The following GALNTL5 variants were observed in gnomAD, a reference collection of about 807,000 sequenced individuals.
GALNTL5 encodes inactive polypeptide N-acetylgalactosaminyltransferase-like protein 5.
Under a neutral mutation model 51.0 loss-of-function variants are expected in GALNTL5, and 44 were observed. The observed-to-expected ratio is 0.86, with a 90% CI of 0.68 to 1.11. The LOEUF is 1.11. GALNTL5 is among the 50% of genes least tolerant of loss of function. The probability of loss-of-function intolerance (pLI) is 0.00; values close to 1 mark genes in which losing one functional copy is unlikely to be tolerated. For missense variants in GALNTL5, 528 were observed against 531.8 expected (o/e 0.99, Z 0.07); for synonymous variants, 192 against 182.8 (o/e 1.05, Z -0.41).
chr7:151,972,602 C>T (rs2081158824), intron 3 of GALNTL5, among the ~76,000 whole-genome samples: 1 of 152,162 alleles, frequency 6.6e-6, no homozygotes. Flanking sequence ...AGCGTTGGGA[C>T]AAGGTGCCCT....
chr7:151,972,890 A>T (rs918043235), intron 3 of GALNTL5, among the ~76,000 whole-genome samples: 9 of 152,160 alleles, frequency 5.9e-5, no homozygotes, highest in South Asian at 4.1e-4. Flanking sequence ...GGGGATAGAG[A>T]CACCAAACCT....
intron 3 of GALNTL5, among the ~76,000 whole-genome samples, chr7:151,975,138 G>C (rs10268412): frequency 0.38 from 58,310 of 151,894 alleles, 11,868 homozygotes; most frequent in Middle Eastern, 0.5. Flanking sequence ...TTTTTTGGAA[G>C]AGTTTGAAAA....
At chr7:151,991,384 C>A (rs2151951377) in intron 5 of GALNTL5, among the ~76,000 whole-genome samples, 1 of 152,294 alleles carries the variant, frequency 6.6e-6, no homozygotes, top group Middle Eastern at 3.4e-3. Context: ...AGCCACTGCG[C>A]ACGGCCTGAT....
At chr7:152,019,027 A>G (rs1333152790) in intron 8 of GALNTL5, among the ~76,000 whole-genome samples, 7 of 152,204 alleles carry the variant, frequency 4.6e-5, no homozygotes, top group Non-Finnish European at 1.0e-4. Context: ...GGGCTTCCTT[A>G]AGTCAGAGCA....
intron 1 of GALNTL5, among the ~76,000 whole-genome samples, 169 bp from the exon 2 acceptor site, chr7:151,967,039 T>C (rs753496321): frequency 6.6e-6 from 1 of 152,180 alleles, no homozygotes; most frequent in Non-Finnish European, 1.5e-5. Context: ...CTTAGGAATA[T>C]CAGTTTTAGG....
At chr7:151,977,391 T>C (rs2151943774) in intron 3 of GALNTL5, among the ~76,000 whole-genome samples, 1 of 152,306 alleles carries the variant, frequency 6.6e-6, no homozygotes, top group South Asian at 2.1e-4. Flanking sequence ...GTTTTGTTTA[T>C]AGCTGGGTAC....
chr7:152,014,772 C>A lies in GALNTL5; in HGVS notation c.1155C>A (p.His385Gln). 1 of 1,610,520 alleles carries A rather than the reference C, an allele frequency of 6.2e-7. No homozygotes were observed. The highest frequency in any genetic ancestry group is 8.5e-7 in the Non-Finnish European group (1 of 1,178,972). Residue 385 changes from histidine (H) to glutamine (Q), a missense_variant, in exon 8 of 9, where the codon CAC (histidine) becomes CAA (glutamine). Coordinates refer to ENST00000392800, the MANE Select transcript of GALNTL5 (RefSeq NM_145292.4). ...AMTHNYLRLV[H>Q]VWLDEYKEQF... ...CACATAACTACCTAAGACTGGTGCA[C>A]GTTTGGCTGGATGAATATAAGGTGG... is the stretch of plus-strand genomic sequence containing the variant.
intron 5 of GALNTL5, among the ~76,000 whole-genome samples, chr7:152,000,829 T>C (rs1162664310): frequency 6.6e-6 from 1 of 152,194 alleles, no homozygotes; most frequent in Non-Finnish European, 1.5e-5. Context: ...AGTATATGTA[T>C]GATTTGGAAA....
chr7:151,997,228 A>T (rs768363732), intron 5 of GALNTL5, among the ~76,000 whole-genome samples: 57 of 152,326 alleles, frequency 3.7e-4, no homozygotes, highest in Non-Finnish European at 6.5e-4. Context: ...GCTTGACCTC[A>T]CGCCCTTTAC....
intron 3 of GALNTL5, among the ~76,000 whole-genome samples, chr7:151,978,364 C>T (rs1444828914): frequency 1.3e-5 from 2 of 152,116 alleles, no homozygotes; most frequent in African/African-American, 4.8e-5. Flanking sequence ...TTCTAATGTG[C>T]TTAAAAGATT....
intron 6 of GALNTL5, among the ~76,000 whole-genome samples, chr7:152,004,953 C>T (rs570207926): frequency 2.9e-4 from 44 of 152,196 alleles, no homozygotes; most frequent in African/African-American, 8.9e-4. Flanking sequence ...GATTTCTTTC[C>T]CTTTAGGAAG....
At chr7:152,012,889 C>T (rs2081757120) in intron 7 of GALNTL5, among the ~76,000 whole-genome samples, 1 of 152,016 alleles carries the variant, frequency 6.6e-6, no homozygotes, top group Admixed American at 6.6e-5. Flanking sequence ...ATCGCTTGAA[C>T]CTGGATGGCG....
At chr7:151,959,976 T>G (rs902714184) in intron 1 of GALNTL5, among the ~76,000 whole-genome samples, 3 of 152,104 alleles carry the variant, frequency 2.0e-5, no homozygotes, top group Non-Finnish European at 4.4e-5. Context: ...CTTCCCTGGA[T>G]AGAAGACCAG....
intron 1 of GALNTL5, among the ~76,000 whole-genome samples, chr7:151,963,586 T>TG (rs1398370533): frequency 5.3e-5 from 8 of 151,990 alleles, no homozygotes; most frequent in African/African-American, 1.9e-4. Context: ...TTAGTAGAGA[T>TG]GGGGTCTCAC....
intron 6 of GALNTL5, among the ~76,000 whole-genome samples, chr7:152,005,889 T>C (rs780645596): frequency 6.6e-6 from 1 of 152,156 alleles, no homozygotes; most frequent in Non-Finnish European, 1.5e-5. Context: ...CTGAACACAA[T>C]CCTATATGGA....
chr7:151,982,948 T>C (rs1198387363), intron 3 of GALNTL5, 38 bp from the exon 4 acceptor site: 1 of 1,613,540 alleles, frequency 6.2e-7, no homozygotes, highest in African/African-American at 1.3e-5. Context: ...CCAAGGCATT[T>C]AGATGGATGG....
intron 7 of GALNTL5, among the ~76,000 whole-genome samples, chr7:152,011,625 GT>G (rs1207699603): frequency 1.3e-5 from 2 of 152,188 alleles, no homozygotes; most frequent in African/African-American, 4.8e-5. Flanking sequence ...TCCACCCAAG[GT>G]TGCTAAATCT....
At chr7:151,956,833 T>C (rs1037069089) in intron 1 of GALNTL5, among the ~76,000 whole-genome samples, 1 of 152,134 alleles carries the variant, frequency 6.6e-6, no homozygotes, top group African/African-American at 2.4e-5. Context: ...ATGGCTTTAG[T>C]TCATGAAAAA....
In GALNTL5 at chr7:151,983,047, A is replaced by G; in HGVS notation, c.430A>G (p.Asn144Asp). Residue 144 changes from asparagine to aspartate, a missense_variant, in exon 4 of 9, where the codon AAT (asparagine) becomes GAT (aspartate). Coordinates refer to ENST00000392800, the MANE Select transcript of GALNTL5 (RefSeq NM_145292.4). ...PTASIVICFY[N>D]EECNALFQTM... ...TGCCAGCATTGTCATTTGCTTCTAT[A>G]ATGAAGAATGTAATGCCTTGTTTCA... The G allele has an allele frequency of 6.2e-7, 1 of 1,614,150 alleles. No individual in the cohort carries two copies. Among genetic ancestry groups the G allele is most frequent in the Non-Finnish European group, 8.5e-7 (1 of 1,180,010 alleles).
Sources: gnomAD v4.1 joint callset for allele counts (sites outside exome capture counted in the v4.1 genomes callset) on GRCh38, gnomAD v4.1.1 for gene constraint, MANE v1.5 for transcripts, NCBI Gene and HGNC (gene_info 2026-07-23, HGNC 2026-07-21) for gene names.